FREM2: variants seen among roughly 807,000 people sequenced by gnomAD.
The protein encoded by FREM2 is FRAS1-related extracellular matrix protein 2.
Under a neutral mutation model 219.9 loss-of-function variants are expected in FREM2, and 119 were observed. That is an observed-to-expected ratio of 0.54 (90% CI 0.47 to 0.63). The LOEUF is 0.63. Among genes scored for constraint, FREM2 ranks in the 30% least tolerant of loss-of-function variants. The pLI is 0.00. For missense variants in FREM2, 4,030 were observed against 3,993.6 expected (o/e 1.01, Z -0.25); for synonymous variants, 1,562 against 1,522.8 (o/e 1.03, Z -0.60).
chr13:38,764,693 C>G (rs1048207207), intron 3 of FREM2, among the ~76,000 whole-genome samples: 9 of 152,066 alleles, frequency 5.9e-5, no homozygotes, highest in Non-Finnish European at 7.4e-5. Flanking sequence ...AGTTACGAAA[C>G]AAAAATAAAT....
intron 2 of FREM2, among the ~76,000 whole-genome samples, chr13:38,726,284 T>C (rs1011711109): frequency 2.0e-5 from 3 of 152,048 alleles, no homozygotes; most frequent in African/African-American, 7.2e-5. Context: ...CTGAGATGAT[T>C]AGGGCAGAGG....
In FREM2 at chr13:38,688,400, T is replaced by C; in HGVS notation, c.1056T>C (p.Ser352=). The change falls in exon 1 of 24, where the codon TCT becomes TCC. Residue 352 remains serine (S), a synonymous_variant. Coordinates refer to ENST00000280481, the MANE Select transcript of FREM2 (RefSeq NM_207361.6). ...MLAAEDAESP[S]DLLIFNLTSP... ...CAGCCGAGGATGCTGAGTCTCCCTC[T>C]GACCTGTTGATCTTCAACCTTACTT... 6.2e-7 allele frequency: 1 copy of C among 1,614,006 alleles called. No individual in the cohort carries two copies. The highest frequency in any genetic ancestry group is 8.5e-7 in the Non-Finnish European group (1 of 1,179,896).
At chr13:38,784,449 A>C (rs903825926) in intron 5 of FREM2, 108 bp from the exon 6 acceptor site, 13 of 1,245,260 alleles carry the variant, frequency 1.0e-5, no homozygotes, top group African/African-American at 1.5e-5. Flanking sequence ...AGGGGTGTTC[A>C]TGTCTACTAA....
intron 2 of FREM2, among the ~76,000 whole-genome samples, chr13:38,757,188 T>A (rs34442115): frequency 0.017 from 2,643 of 152,300 alleles, 48 homozygotes; most frequent in Non-Finnish European, 0.028. Flanking sequence ...AAATACCCAT[T>A]ATATACCCAC....
rs1593445146 is a variant in FREM2, at chr13:38,850,874, T to C, written c.6578-70T>C. On this transcript the variant is annotated intron_variant, in intron 9 of 23. Transcript: ENST00000280481. ...GGGAAAATCAACAAACTTGCCCTTA[T>C]GGTGCTCACATTCTAGTTGTAGATA... The C allele has an allele frequency of 5.7e-6, 9 of 1,571,540 alleles. 2 individuals carry two copies. In the Admixed American group the frequency reaches 1.2e-4, roughly 20 times the overall value.
At chr13:38,859,723 CT>C in intron 14 of FREM2, 133 bp downstream of exon 14, 1 of 927,752 alleles carries the variant, frequency 1.1e-6, no homozygotes, top group South Asian at 1.5e-5. Context: ...AAATTAAAAT[CT>C]ATTTTTACAA....
At chr13:38,816,587 C>G (rs75098288) in intron 6 of FREM2, among the ~76,000 whole-genome samples, 3,148 of 152,254 alleles carry the variant, frequency 0.021, 53 homozygotes, top group Middle Eastern at 0.058. Context: ...AATGCAGTAA[C>G]AGCCATATAT....
chr13:38,688,404 C>G lies in FREM2; in HGVS notation c.1060C>G (p.Leu354Val). The change falls in exon 1 of 24, where the codon CTG (leucine) becomes GTG (valine). Residue 354 changes from leucine to valine, a missense_variant. Physicochemically the swap from Leu to Val is conservative, Grantham distance 32. Around this residue, in one of 2 missense-constraint regions of FREM2, gnomAD observed 3,102 missense variants for 2,950.7 expected, o/e 1.05. Transcript: ENST00000280481. The part of the protein sequence containing the change: ...AAEDAESPSD[L>V]LIFNLTSPFQ... ...CGAGGATGCTGAGTCTCCCTCTGAC[C>G]TGTTGATCTTCAACCTTACTTCTCC... The G allele has an allele frequency of 1.2e-6, 2 of 1,613,956 alleles. No individual in the cohort carries two copies. Among genetic ancestry groups the G allele is most frequent in the Non-Finnish European group, 1.7e-6 (2 of 1,179,890 alleles).
intron 6 of FREM2, 22 bp downstream of exon 6, chr13:38,784,830 A>C (rs1373926626): frequency 6.2e-7 from 1 of 1,613,150 alleles, no homozygotes; most frequent in Non-Finnish European, 8.5e-7. Context: ...TTTACTTGAA[A>C]ATTCTTTTTC....
At chr13:38,812,588 A>G (rs748096032) in intron 6 of FREM2, among the ~76,000 whole-genome samples, 1 of 152,112 alleles carries the variant, frequency 6.6e-6, no homozygotes, top group Non-Finnish European at 1.5e-5. Flanking sequence ...ACTAAGAAAA[A>G]CTACACTTTT....
intron 6 of FREM2, 26 bp downstream of exon 6, chr13:38,784,834 C>CT: frequency 6.2e-7 from 1 of 1,612,314 alleles, no homozygotes. Context: ...CTTGAAAATT[C>CT]TTTTTCCCGG....
At chr13:38,846,502 G>A in intron 6 of FREM2, 71 bp from the exon 7 acceptor site, 1 of 1,515,294 alleles carries the variant, frequency 6.6e-7, no homozygotes, top group South Asian at 1.1e-5. Context: ...CTCTTCTTTG[G>A]AAGCATGTCA....
chr13:38,766,910 G>A (rs1873458103), intron 3 of FREM2, among the ~76,000 whole-genome samples: 1 of 152,140 alleles, frequency 6.6e-6, no homozygotes, highest in African/African-American at 2.4e-5. Context: ...ACCAGGGGCT[G>A]TGTTAGGTAG....
In FREM2 at chr13:38,850,158, G is replaced by T; in HGVS notation, c.6500G>T (p.Arg2167Leu). Reference sequence around the variant, plus strand: ...AGATCTTCAGTGAGATGCTACACCCGGCAGGGGTCTGCACAGGTGATGATG... The same window carrying T: ...AGATCTTCAGTGAGATGCTACACCCTGCAGGGGTCTGCACAGGTGATGATG... ...QYRSSVRCYT[R>L]QGSAQVMMDF... Residue 2167 changes from arginine to leucine, a missense_variant, in exon 9 of 24, where the codon CGG (arginine) becomes CTG (leucine). Arg to Leu is a moderately radical substitution (Grantham distance 102). Transcript: ENST00000280481. 6.2e-7 allele frequency: 1 copy of T among 1,614,010 alleles called. No individual in the cohort carries two copies. The highest frequency in any genetic ancestry group is 8.5e-7 in the Non-Finnish European group (1 of 1,179,926).
At chr13:38,747,714 G>A (rs1307924043) in intron 2 of FREM2, among the ~76,000 whole-genome samples, 1 of 152,078 alleles carries the variant, frequency 6.6e-6, no homozygotes, top group Non-Finnish European at 1.5e-5. Context: ...TAAAATTGAT[G>A]AGTACAGAAC....
intron 6 of FREM2, among the ~76,000 whole-genome samples, chr13:38,814,985 G>A (rs768939236): frequency 6.6e-6 from 1 of 152,108 alleles, no homozygotes; most frequent in African/African-American, 2.4e-5. Flanking sequence ...TCTGGCCCAG[G>A]GAAGGTTTTG....
At chr13:38,707,776 G>A (rs1418077782) in intron 2 of FREM2, among the ~76,000 whole-genome samples, 21 of 152,142 alleles carry the variant, frequency 1.4e-4, no homozygotes, top group Admixed American at 1.4e-3. Context: ...TTGTGTCCCC[G>A]TAATACTTCT....
At chr13:38,851,469 A>G (rs1318551998) in intron 10 of FREM2, among the ~76,000 whole-genome samples, 2 of 152,158 alleles carry the variant, frequency 1.3e-5, no homozygotes, top group African/African-American at 2.4e-5. Flanking sequence ...CTGGCAGCAC[A>G]TGCTCTCTGG....
intron 20 of FREM2, 54 bp from the exon 21 acceptor site, chr13:38,877,059 ATGTT>A (rs1480059969): frequency 1.9e-6 from 3 of 1,593,264 alleles, no homozygotes; most frequent in Non-Finnish European, 2.6e-6. Flanking sequence ...TGTGAACAGT[ATGTT>A]TGTGCACCAT....
Sources: gnomAD v4.1 joint callset for allele counts (sites outside exome capture counted in the v4.1 genomes callset) on GRCh38, gnomAD v4.1.1 for gene constraint, gnomAD v4.1.1 regional missense constraint, MANE v1.5 for transcripts, NCBI Gene and HGNC (gene_info 2026-07-23, HGNC 2026-07-21) for gene names.